Variants in PDE11A observed in about 807,000 individuals in gnomAD.
The protein encoded by PDE11A is dual 3',5'-cyclic-AMP and -GMP phosphodiesterase 11A.
A neutral mutation model predicts 100.5 loss-of-function variants in PDE11A; 100 were observed. The observed-to-expected ratio is 1.00, with a 90% CI of 0.85 to 1.18. PDE11A has a LOEUF of 1.18. Among genes scored for constraint, PDE11A ranks in the 50% most tolerant of loss-of-function variants. PDE11A has a pLI of 0.00. For missense variants in PDE11A, 1,141 were observed against 1,152.6 expected (o/e 0.99, Z 0.15); for synonymous variants, 381 against 420.8 (o/e 0.91, Z 1.16).
intron 12 of PDE11A, among the ~76,000 whole-genome samples, chr2:177,727,093 C>T (rs111295162): frequency 2.0e-4 from 30 of 152,200 alleles, no homozygotes; most frequent in African/African-American, 6.5e-4. Context: ...CACTAGATAT[C>T]TCCGTGAAAC....
At chr2:177,842,950 G>A (rs146095633) in intron 5 of PDE11A, among the ~76,000 whole-genome samples, 5 of 152,176 alleles carry the variant, frequency 3.3e-5, no homozygotes, top group East Asian at 1.9e-4. Flanking sequence ...TAATTTTCAC[G>A]GAGAATAAAA....
chr2:177,683,743 C>G (rs2080901173), intron 15 of PDE11A, among the ~76,000 whole-genome samples: 1 of 152,150 alleles, frequency 6.6e-6, no homozygotes. Flanking sequence ...GTGACAAGAA[C>G]CCAGTTTATT....
intron 16 of PDE11A, among the ~76,000 whole-genome samples, chr2:177,680,222 T>C (rs1381164870): frequency 6.6e-6 from 1 of 152,062 alleles, no homozygotes; most frequent in African/African-American, 2.4e-5. Flanking sequence ...GAAGGTCTGG[T>C]TGAGGTGGAG....
At chr2:177,793,675 A>G (rs2082663545) in intron 9 of PDE11A, among the ~76,000 whole-genome samples, 1 of 152,130 alleles carries the variant, frequency 6.6e-6, no homozygotes, top group African/African-American at 2.4e-5. Context: ...AGGAAAGGGC[A>G]TGTGAGGCCA....
intron 1 of PDE11A, among the ~76,000 whole-genome samples, chr2:178,022,622 CCAGGTAAGGAGGAAACAGGA>C (rs2086426802): frequency 2.0e-5 from 3 of 151,852 alleles, no homozygotes; most frequent in Admixed American, 6.6e-5. Context: ...TCACAGAAGG[CCAGGTAAGGAGGAAACAGGA>C]CTAGTAAGAA....
At position 178,072,729 on chromosome 2, in the gene PDE11A, T is replaced by C; in HGVS notation, c.-292A>G. Reference sequence around the variant, plus strand: ...CTGTTCCGGAAACCCGAGCTATCGCTGCTCCTGTTCTGGCTGCCGCCGCTG... The same window carrying C: ...CTGTTCCGGAAACCCGAGCTATCGCCGCTCCTGTTCTGGCTGCCGCCGCTG... On this transcript the variant is annotated 5_prime_UTR_variant, in exon 1 of 20. Coordinates refer to ENST00000286063, the MANE Select transcript of PDE11A (RefSeq NM_016953.4). 5.9e-6 allele frequency: 8 copies of C among 1,358,302 alleles called. No individual in the cohort carries two copies. Among genetic ancestry groups the C allele is most frequent in the Non-Finnish European group, 7.6e-6 (8 of 1,052,186 alleles). 84.1% of individuals were successfully genotyped at this position (1,358,302 alleles called of 1,614,324 possible). A position where few individuals can be genotyped will look rare whatever the true frequency, so the allele number is the denominator to read the frequency against.
chr2:177,888,748 A>C, intron 4 of PDE11A: 1 of 524,892 alleles, frequency 1.9e-6, no homozygotes, highest in Non-Finnish European at 2.4e-6. Flanking sequence ...ACAGACAAAC[A>C]TCAGGCTTGA....
intron 9 of PDE11A, among the ~76,000 whole-genome samples, chr2:177,801,089 G>T (rs894362379): frequency 6.6e-6 from 1 of 152,210 alleles, no homozygotes; most frequent in African/African-American, 2.4e-5. Flanking sequence ...AAGTGGATCA[G>T]AAAACCATAT....
chr2:178,023,868 G>A (rs565033593), intron 1 of PDE11A, among the ~76,000 whole-genome samples: 2 of 152,238 alleles, frequency 1.3e-5, no homozygotes, highest in South Asian at 4.1e-4. Flanking sequence ...AGAGAGAAAA[G>A]GTGAAATAAG....
Position 178,071,603 on chromosome 2 carries a change from G to A in PDE11A, c.835C>T (p.Gln279Ter). Residue 279 changes from glutamine to a stop codon, truncating the protein, a stop_gained, in exon 1 of 20, where the codon CAG becomes TAG. Transcript: ENST00000286063. LOFTEE classifies it high-confidence loss of function. ...ATGATACCTTTGCCCCAGGGGACCT[G>A]CACCTCATTTGAGTTCTCTGTGCTG... ...CSSTENSNEV[Q>*]VPWGKGIIGY... The A allele has an allele frequency of 3.1e-6, 5 of 1,613,856 alleles. No individual in the cohort carries two copies. Among genetic ancestry groups the A allele is most frequent in the Non-Finnish European group, 4.2e-6 (5 of 1,179,750 alleles).
At chr2:177,640,517 C>G (rs2080125403) in intron 19 of PDE11A, among the ~76,000 whole-genome samples, 1 of 152,190 alleles carries the variant, frequency 6.6e-6, no homozygotes. Flanking sequence ...GAAACAGCTT[C>G]CTGTTCAAGG....
chr2:178,094,199 C>T (rs934416243), intron 2 of PDE11A, among the ~76,000 whole-genome samples: 11 of 152,002 alleles, frequency 7.2e-5, no homozygotes, highest in African/African-American at 2.7e-4. Context: ...AACACACACA[C>T]ACCACATACA....
intron 2 of PDE11A, among the ~76,000 whole-genome samples, chr2:177,932,908 C>G (rs921079017): frequency 6.6e-6 from 1 of 151,444 alleles, no homozygotes; most frequent in African/African-American, 2.4e-5. Context: ...TGATTCTATA[C>G]TTAGACAATC....
chr2:178,063,465 T>C (rs939072485), intron 1 of PDE11A, among the ~76,000 whole-genome samples: 3 of 152,060 alleles, frequency 2.0e-5, no homozygotes, highest in Non-Finnish European at 2.9e-5. Context: ...CAGGGCCGCA[T>C]AGGGAAAGGC....
chr2:177,999,132 T>C (rs1207382324), intron 2 of PDE11A, among the ~76,000 whole-genome samples: 1 of 152,162 alleles, frequency 6.6e-6, no homozygotes, highest in East Asian at 1.9e-4. Flanking sequence ...AAAATAAATT[T>C]AGAGTCAACC....
chr2:177,738,692 G>A (rs532487620), intron 10 of PDE11A, among the ~76,000 whole-genome samples: 1 of 152,292 alleles, frequency 6.6e-6, no homozygotes, highest in Admixed American at 6.5e-5. Flanking sequence ...CCTCCCTGCT[G>A]CAGCCTCACC....
chr2:177,996,056 A>G (rs962660681), intron 2 of PDE11A, among the ~76,000 whole-genome samples: 1 of 152,014 alleles, frequency 6.6e-6, no homozygotes, highest in African/African-American at 2.4e-5. Flanking sequence ...GTGAAATCCC[A>G]TCTCTACTAA....
At chr2:177,980,518 A>G (rs984878802) in intron 2 of PDE11A, among the ~76,000 whole-genome samples, 3 of 150,878 alleles carry the variant, frequency 2.0e-5, no homozygotes, top group African/African-American at 4.8e-5. Flanking sequence ...GGTTATTCTC[A>G]CTGATACAAT....
intron 1 of PDE11A, chr2:178,105,707 G>A: frequency 9.9e-7 from 1 of 1,011,908 alleles, no homozygotes; most frequent in Non-Finnish European, 1.4e-6. Flanking sequence ...GAACCTGATG[G>A]CATAGGTCTC....
Sources: gnomAD v4.1 joint callset for allele counts (sites outside exome capture counted in the v4.1 genomes callset) on GRCh38, gnomAD v4.1.1 for gene constraint, MANE v1.5 for transcripts, NCBI Gene and HGNC (gene_info 2026-07-23, HGNC 2026-07-21) for gene names.